Variants in FABP7 observed in about 807,000 individuals in gnomAD.
The protein encoded by FABP7 is fatty acid-binding protein, brain.
FABP7 carries 13 observed loss-of-function variants against 14.2 expected under a neutral mutation model. The ratio of observed to expected loss-of-function variants is 0.91; its 90% CI spans 0.59 to 1.45. The LOEUF (loss-of-function observed/expected upper bound fraction) is 1.45, where lower values mean the gene tolerates loss of function less well. Ranked by LOEUF, FABP7 falls within the 40% of genes most tolerant of loss-of-function variation. The pLI is 0.00. For missense variants in FABP7, 149 were observed against 157.6 expected (o/e 0.95, Z 0.29); for synonymous variants, 49 against 51.4 (o/e 0.95, Z 0.20).
chr6:122,769,078 T>C, the FABP7 span, among the ~76,000 whole-genome samples: 4 of 152,134 alleles, frequency 2.6e-5, no homozygotes, highest in South Asian at 4.1e-4. Context: ...CTACCTGTCA[T>C]AGTTCAAAAC....
At chr6:122,767,418 G>A in the FABP7 span, among the ~76,000 whole-genome samples, 2 of 152,052 alleles carry the variant, frequency 1.3e-5, no homozygotes, top group African/African-American at 2.4e-5. Flanking sequence ...GAATTAAAGA[G>A]GGTTCAGAGA....
intron 3 of FABP7, chr6:122,783,119 T>G (rs561237611): frequency 1.0e-6 from 1 of 985,418 alleles, no homozygotes; most frequent in African/African-American, 1.7e-5. Flanking sequence ...TAAAGTGGTT[T>G]TATAATAACT....
At chr6:122,766,904 A>G in the FABP7 span, among the ~76,000 whole-genome samples, 1 of 152,096 alleles carries the variant, frequency 6.6e-6, no homozygotes, top group South Asian at 2.1e-4. Flanking sequence ...CAAATAATAG[A>G]ATAGTGTAGC....
chr6:122,760,506 G>C, the FABP7 span, among the ~76,000 whole-genome samples: 1 of 149,758 alleles, frequency 6.7e-6, no homozygotes, highest in Non-Finnish European at 1.5e-5. Context: ...CTTGCTCTTT[G>C]ATTTCTCTTA....
At chr6:122,775,789 C>G (rs981235918), upstream of FABP7, among the ~76,000 whole-genome samples, 9 of 151,782 alleles carry the variant, frequency 5.9e-5, no homozygotes, top group African/African-American at 2.2e-4. Context: ...ATCCATCCAG[C>G]AAGGGAAGAC....
upstream of FABP7, among the ~76,000 whole-genome samples, chr6:122,774,738 G>A (rs1780643316): frequency 6.8e-6 from 1 of 146,390 alleles, no homozygotes. Flanking sequence ...CTGATGACAT[G>A]ATCTCATATT....
At chr6:122,762,183 G>T in the FABP7 span, among the ~76,000 whole-genome samples, 19,758 of 151,880 alleles carry the variant, frequency 0.13, 2,141 homozygotes, top group East Asian at 0.52. Context: ...ATCAAAAAGC[G>T]TATCCACCAT....
the FABP7 span, among the ~76,000 whole-genome samples, chr6:122,752,321 T>C: frequency 6.6e-6 from 1 of 152,236 alleles, no homozygotes; most frequent in African/African-American, 2.4e-5. Context: ...ACAGAATCTA[T>C]TTCACAAAAA....
chr6:122,765,489 T>G, the FABP7 span, among the ~76,000 whole-genome samples: 1 of 152,088 alleles, frequency 6.6e-6, no homozygotes. Context: ...ATATATTTTA[T>G]ATTCCAGTTC....
At chr6:122,765,440 C>A in the FABP7 span, among the ~76,000 whole-genome samples, 1 of 151,924 alleles carries the variant, frequency 6.6e-6, no homozygotes, top group Non-Finnish European at 1.5e-5. Flanking sequence ...CTATTTTCAG[C>A]AAATGAAAGG....
chr6:122,757,842 C>A, the FABP7 span, among the ~76,000 whole-genome samples: 1 of 151,928 alleles, frequency 6.6e-6, no homozygotes, highest in Non-Finnish European at 1.5e-5. Context: ...TATTAAGGTA[C>A]TAAAAGAAGA....
upstream of FABP7, among the ~76,000 whole-genome samples, chr6:122,778,962 C>T (rs1447455350): frequency 2.0e-5 from 3 of 152,094 alleles, no homozygotes; most frequent in South Asian, 2.1e-4. Context: ...TATTTTTGTA[C>T]CTCATTAGTA....
the FABP7 span, among the ~76,000 whole-genome samples, chr6:122,768,580 G>C: frequency 1.3e-5 from 2 of 152,108 alleles, no homozygotes; most frequent in African/African-American, 4.8e-5. Context: ...TGTTTTCAAA[G>C]TCCTAGGCTT....
rs1780796964 is a variant in FABP7 at position 122,781,862 on chromosome 6, C to T, written c.348+668C>T. 4 of 427,310 alleles carry T rather than the reference C, an allele frequency of 9.4e-6. No homozygotes were observed. In the East Asian group the frequency reaches 4.8e-4, roughly 51 times the overall value. 26.5% of individuals were successfully genotyped at this position (427,310 alleles called of 1,614,324 possible). ...GCTCAAGCGATTCTACAACCTCAGC[C>T]TCCTAAGTAGCTGGGACCACAGGTG... is the stretch of plus-strand genomic sequence containing the variant. On this transcript the variant is annotated intron_variant, in intron 3 of 3. Transcript: ENST00000368444.
At chr6:122,767,821 C>G in the FABP7 span, among the ~76,000 whole-genome samples, 3 of 150,352 alleles carry the variant, frequency 2.0e-5, no homozygotes, top group Admixed American at 1.3e-4. Flanking sequence ...AAGTGAATAT[C>G]TTTTGGACCT....
At chr6:122,755,068 G>A in the FABP7 span, among the ~76,000 whole-genome samples, 1 of 151,914 alleles carries the variant, frequency 6.6e-6, no homozygotes, top group African/African-American at 2.4e-5. Flanking sequence ...TTTAACACCA[G>A]GGATTTCTAA....
At chr6:122,764,402 T>G in the FABP7 span, among the ~76,000 whole-genome samples, 4 of 149,504 alleles carry the variant, frequency 2.7e-5, no homozygotes, top group Non-Finnish European at 4.4e-5. Flanking sequence ...GTGGGGGGAG[T>G]GGGGAGGGAT....
At chr6:122,773,594 T>G in the FABP7 span, among the ~76,000 whole-genome samples, 27 of 152,306 alleles carry the variant, frequency 1.8e-4, no homozygotes, top group African/African-American at 6.5e-4. Context: ...ACAGAGATAT[T>G]CAATTACTAT....
Position 122,779,828 on chromosome 6 carries a change from A to G in FABP7, c.34A>G (p.Thr12Ala). ...VEAFCATWKL[T>A]NSQNFDEYMK... The stretch of plus-strand genomic sequence containing the variant: ...GGCTTTCTGTGCTACCTGGAAGCTG[A>G]CCAACAGTCAGAACTTTGATGAGTA... The change falls in exon 1 of 4, where the codon ACC (threonine) becomes GCC (alanine). Residue 12 changes from threonine to alanine, a missense_variant. Physicochemically the swap from Thr to Ala is moderately conservative, Grantham distance 58. Transcript: ENST00000368444. The G allele has an allele frequency of 6.2e-7, 1 of 1,614,186 alleles. No homozygotes were observed. Among genetic ancestry groups the G allele is most frequent in the Non-Finnish European group, 8.5e-7 (1 of 1,180,028 alleles).
Sources: allele counts gnomAD v4.1 joint callset (sites outside exome capture counted in the v4.1 genomes callset), GRCh38; gene constraint gnomAD v4.1.1; transcripts MANE v1.5; gene names NCBI Gene and HGNC (gene_info 2026-07-23, HGNC 2026-07-21).